The following WDR70 variants were observed in gnomAD, a reference collection of about 807,000 sequenced individuals.
WDR70 encodes WD repeat domain 70, also known as WD repeat-containing protein 70.
WDR70 carries 53 observed loss-of-function variants against 88.6 expected under a neutral mutation model. That is an observed-to-expected ratio of 0.60 (90% CI 0.48 to 0.75). The LOEUF is 0.75. WDR70 is among the 30% of genes least tolerant of loss of function. The pLI is 0.00. For missense variants in WDR70, 610 were observed against 823.2 expected, an observed-to-expected ratio of 0.74 and a Z score of 3.17; for synonymous variants, 280 against 270.0, an observed-to-expected ratio of 1.04 and a Z score of -0.36.
intron 4 of WDR70, among the ~76,000 whole-genome samples, chr5:37,396,143 CAT>C (rs1320195611): frequency 6.6e-6 from 1 of 151,842 alleles, no homozygotes; most frequent in Non-Finnish European, 1.5e-5. Flanking sequence ...GGCTGTCTAA[CAT>C]ATAATTGCTG....
chr5:37,586,766 C>T (rs1743377296), intron 9 of WDR70, among the ~76,000 whole-genome samples: 1 of 152,106 alleles, frequency 6.6e-6, no homozygotes, highest in Non-Finnish European at 1.5e-5. Flanking sequence ...TGCCTATTCT[C>T]TCAGTGTTTG....
At chr5:37,664,228 T>A (rs1169211822) in intron 10 of WDR70, among the ~76,000 whole-genome samples, 1 of 152,216 alleles carries the variant, frequency 6.6e-6, no homozygotes, top group Admixed American at 6.5e-5. Context: ...AAAATACTCT[T>A]ATGACAATAT....
chr5:37,719,159 A>G (rs1379779766), intron 13 of WDR70, among the ~76,000 whole-genome samples: 2 of 152,208 alleles, frequency 1.3e-5, no homozygotes, highest in East Asian at 3.9e-4. Context: ...CCATCTGGGA[A>G]TTTCCAGTGG....
chr5:37,461,120 A>T (rs200087428), intron 7 of WDR70, among the ~76,000 whole-genome samples: 2 of 26,458 alleles, frequency 7.6e-5, no homozygotes, highest in African/African-American at 1.0e-4. Context: ...AAAAAAAAAA[A>T]AAAAATAAAG....
At chr5:37,668,892 A>G (rs1745941220) in intron 10 of WDR70, among the ~76,000 whole-genome samples, 1 of 152,244 alleles carries the variant, frequency 6.6e-6, no homozygotes, top group Admixed American at 6.5e-5. Context: ...GTTTTCTGAA[A>G]TCCCAGTGGT....
chr5:37,647,138 G>A (rs1589119), intron 10 of WDR70, among the ~76,000 whole-genome samples: 1 of 151,814 alleles, frequency 6.6e-6, no homozygotes, highest in South Asian at 2.1e-4. Context: ...CTTGATCAGT[G>A]CTGCTGTTAA....
intron 5 of WDR70, among the ~76,000 whole-genome samples, chr5:37,434,995 T>A (rs1467817651): frequency 6.6e-6 from 1 of 152,216 alleles, no homozygotes; most frequent in Non-Finnish European, 1.5e-5. Context: ...AAAGATGGAT[T>A]GCTACTATTT....
chr5:37,601,125 A>G (rs1186110032), intron 9 of WDR70, among the ~76,000 whole-genome samples: 2 of 152,058 alleles, frequency 1.3e-5, no homozygotes, highest in African/African-American at 4.8e-5. Context: ...AAAGCTATCA[A>G]CTCTGCACTG....
chr5:37,576,941 A>T (rs13357437), intron 9 of WDR70, among the ~76,000 whole-genome samples: 11,427 of 152,208 alleles, frequency 0.075, 693 homozygotes, highest in African/African-American at 0.17. Flanking sequence ...TAGAGTCTAC[A>T]CAACAGGAAT....
At chr5:37,480,410 G>A (rs1464874967) in intron 8 of WDR70, among the ~76,000 whole-genome samples, 2 of 152,158 alleles carry the variant, frequency 1.3e-5, no homozygotes, top group African/African-American at 4.8e-5. Flanking sequence ...TTTGAGACTG[G>A]ATAATTTATA....
At chr5:37,701,875 T>A (rs1747174985) in intron 12 of WDR70, among the ~76,000 whole-genome samples, 1 of 152,202 alleles carries the variant, frequency 6.6e-6, no homozygotes, top group African/African-American at 2.4e-5. Context: ...TATTTTCTCA[T>A]TTTTTAAATC....
chr5:37,455,876 C>T (rs1287688858), intron 7 of WDR70, among the ~76,000 whole-genome samples: 1 of 152,008 alleles, frequency 6.6e-6, no homozygotes, highest in Non-Finnish European at 1.5e-5. Context: ...CAGTCAGTCC[C>T]TCCTTCTGAC....
At chr5:37,560,370 T>C (rs1742464762) in intron 9 of WDR70, among the ~76,000 whole-genome samples, 1 of 152,200 alleles carries the variant, frequency 6.6e-6, no homozygotes, top group Admixed American at 6.5e-5. Flanking sequence ...TTTCTCTTCA[T>C]CTAGTTCAGC....
chr5:37,597,912 C>T (rs1021397068), intron 9 of WDR70, among the ~76,000 whole-genome samples: 4 of 152,210 alleles, frequency 2.6e-5, no homozygotes, highest in African/African-American at 9.6e-5. Context: ...CTTTGCCTTA[C>T]GCAGGGTGGT....
At chr5:37,645,420 T>C (rs1325214820) in intron 10 of WDR70, among the ~76,000 whole-genome samples, 1 of 152,036 alleles carries the variant, frequency 6.6e-6, no homozygotes, top group East Asian at 1.9e-4. Flanking sequence ...GGTCTATTCA[T>C]GAGCTAACAA....
intron 7 of WDR70, among the ~76,000 whole-genome samples, chr5:37,446,585 AAC>A (rs979524071): frequency 7.2e-5 from 11 of 152,224 alleles, no homozygotes; most frequent in African/African-American, 2.7e-4. Context: ...CTGGTACCAA[AAC>A]AGAGATATAG....
chr5:37,664,219 A>G (rs1005012289), intron 10 of WDR70, among the ~76,000 whole-genome samples: 1 of 152,136 alleles, frequency 6.6e-6, no homozygotes, highest in African/African-American at 2.4e-5. Context: ...TGATCTTTTA[A>G]AATACTCTTA....
chr5:37,415,396 T>C (rs1581260431), intron 5 of WDR70, among the ~76,000 whole-genome samples: 1 of 103,388 alleles, frequency 9.7e-6, no homozygotes, highest in African/African-American at 2.8e-5. Context: ...ACGGGGCGGC[T>C]GGCCGGGCGG....
intron 10 of WDR70, among the ~76,000 whole-genome samples, chr5:37,673,583 A>ACCG (rs1554010663): frequency 2.6e-5 from 2 of 76,228 alleles, no homozygotes; most frequent in Non-Finnish European, 4.8e-5. Context: ...GACTTTTCTT[A>ACCG]CCCCCCCCCC....
Sources: allele counts gnomAD v4.1 joint callset (sites outside exome capture counted in the v4.1 genomes callset), GRCh38; gene constraint gnomAD v4.1.1; transcripts MANE v1.5; gene names NCBI Gene and HGNC (gene_info 2026-07-23, HGNC 2026-07-21).